The following ABCA4 variants were observed in gnomAD, a reference collection of about 807,000 sequenced individuals.
The protein encoded by ABCA4 is ATP binding cassette subfamily A member 4.
ABCA4 carries 196 observed loss-of-function variants against 263.7 expected under a neutral mutation model. The observed-to-expected ratio is 0.74, with a 90% CI of 0.66 to 0.84. ABCA4 has a LOEUF of 0.84. Among genes scored for constraint, ABCA4 ranks in the 40% least tolerant of loss-of-function variants. The pLI, the probability that ABCA4 is intolerant of heterozygous loss-of-function variation, is 0.00. For missense variants in ABCA4, 2,792 were observed against 2,855.1 expected (o/e 0.98, Z 0.50); for synonymous variants, 1,133 against 1,094.2 (o/e 1.04, Z -0.70).
chr1:94,006,238 G>A (rs1031224470), intron 43 of ABCA4, among the ~76,000 whole-genome samples: 1 of 152,126 alleles, frequency 6.6e-6, no homozygotes, highest in African/African-American at 2.4e-5. Context: ...GGATGGTACA[G>A]AGAGACCATT....
At chr1:94,017,855 A>G (rs907893564) in intron 36 of ABCA4, among the ~76,000 whole-genome samples, 2 of 152,256 alleles carry the variant, frequency 1.3e-5, no homozygotes, top group African/African-American at 4.8e-5. Context: ...CTGTTGCAAA[A>G]TTTTAAAGTA....
chr1:94,073,573 C>T lies in ABCA4; in HGVS notation c.1554+4117G>A, dbSNP rs146713976. On this transcript the variant is annotated intron_variant, in intron 11 of 49. Transcript: ENST00000370225. Reference sequence around the variant, plus strand: ...GAATTAGCTCATTTAATTCTCATAACGAGCCTATTAGGTAAGTGCTATTAA... The same window carrying T: ...GAATTAGCTCATTTAATTCTCATAATGAGCCTATTAGGTAAGTGCTATTAA... 5.9e-3 allele frequency among the ~76,000 whole-genome samples: 902 copies of T among 152,256 alleles called. 11 individuals are homozygous for T. Among genetic ancestry groups the T allele is most frequent in the East Asian group, 0.045 (236 of 5,188 alleles).
At chr1:94,002,166 G>C (rs1483843385) in intron 44 of ABCA4, among the ~76,000 whole-genome samples, 174 bp from the exon 45 acceptor site, 1 of 152,180 alleles carries the variant, frequency 6.6e-6, no homozygotes, top group Admixed American at 6.5e-5. Flanking sequence ...CGCCAGACAG[G>C]GGCTCTTTCT....
Position 94,079,357 on chromosome 1 carries a change from G to A in ABCA4, c.1204C>T (p.Pro402Ser), listed in dbSNP as rs1281131866. The A allele has an allele frequency of 1.2e-6, 2 of 1,614,162 alleles. No individual in the cohort carries two copies. The highest frequency in any genetic ancestry group is 2.2e-5 in the South Asian group (2 of 91,074). ...ATCCTTCGTGCTGCAGGTGAATCAGGAGTGTACAGGATTTTTCCCATCAGC... is the reference window on the plus strand; with the variant it reads ...ATCCTTCGTGCTGCAGGTGAATCAGAAGTGTACAGGATTTTTCCCATCAGC... ...PLLMGKILYT[P>S]DSPAARRILK... is the part of the protein sequence containing the mutation. The change falls in exon 9 of 50, where the codon CCT (proline) becomes TCT (serine). Residue 402 changes from proline (P) to serine (S), a missense_variant. Coordinates refer to ENST00000370225, the MANE Select transcript of ABCA4 (RefSeq NM_000350.3).
intron 48 of ABCA4, among the ~76,000 whole-genome samples, 157 bp downstream of exon 48, chr1:93,997,704 A>G (rs1170742060): frequency 6.6e-6 from 1 of 152,198 alleles, no homozygotes; most frequent in East Asian, 1.9e-4. Flanking sequence ...TTGTTAGAAA[A>G]CAATTTCTGA....
intron 11 of ABCA4, among the ~76,000 whole-genome samples, chr1:94,077,276 A>C (rs970261346): frequency 6.6e-6 from 1 of 152,228 alleles, no homozygotes; most frequent in Non-Finnish European, 1.5e-5. Context: ...GAGAACATAC[A>C]GTTTTTGGAG....
chr1:94,045,945 G>A (rs1312133743), intron 19 of ABCA4: 2 of 456,160 alleles, frequency 4.4e-6, no homozygotes, highest in East Asian at 1.4e-4. Flanking sequence ...TCCCTTGGAG[G>A]AGAGTGGGGC....
At chr1:94,086,659 AT>A (rs1237798856) in intron 6 of ABCA4, among the ~76,000 whole-genome samples, 1 of 152,146 alleles carries the variant, frequency 6.6e-6, no homozygotes, top group Non-Finnish European at 1.5e-5. Flanking sequence ...AATGTTAACA[AT>A]TTGGCACATA....
intron 14 of ABCA4, among the ~76,000 whole-genome samples, chr1:94,059,300 T>C (rs549848): frequency 0.23 from 35,415 of 152,138 alleles, 5,375 homozygotes; most frequent in Non-Finnish European, 0.33. Context: ...TCCCCTCATC[T>C]CTTAGAACTT....
At position 94,021,321 on chromosome 1, in the gene ABCA4, T is replaced by A; in HGVS notation, c.4937A>T (p.Asp1646Val). The change falls in exon 35 of 50, where the codon GAC becomes GTC. Residue 1646 changes from aspartate to valine, a missense_variant. Coordinates refer to ENST00000370225, the MANE Select transcript of ABCA4 (RefSeq NM_000350.3). ...NAILRASLPK[D>V]RSPEEYGITV... is the part of the protein sequence containing the mutation. ...GATTCCATACTCCTCGGGGCTCCTG[T>A]CCTTAGGCAGGCTGGCCCGTAAGAT... 1 of 1,614,180 alleles carries A rather than the reference T, an allele frequency of 6.2e-7. No individual in the cohort carries two copies. Among genetic ancestry groups the A allele is most frequent in the Non-Finnish European group, 8.5e-7 (1 of 1,180,032 alleles).
rs115209782 is a variant in ABCA4 at position 94,041,178 on chromosome 1, G to T, written c.3522+31C>A. The T allele has an allele frequency of 2.0e-3, 3,174 of 1,613,224 alleles. 62 individuals carry two copies. The African/African-American group carries it at 0.037, about 19-fold the overall frequency. The stretch of plus-strand genomic sequence containing the variant: ...CGTGCTGTGTGCTCCTTCTCACCCA[G>T]GCCAGGGTCCTTCCCTGGGCAGACA... On this transcript the variant is annotated intron_variant, in intron 23 of 49. Transcript: ENST00000370225.
chr1:94,062,599 A>G lies in ABCA4; in HGVS notation c.1915T>C (p.Tyr639His), dbSNP rs2101078070. Residue 639 changes from tyrosine to histidine, a missense_variant, in exon 13 of 50, where the codon TAC becomes CAC. By Grantham distance (83) the Tyr-to-His change is moderately conservative (BLOSUM62 2). Transcript: ENST00000370225. ...CACGAATCGTCCACGAAGCAGGGGTAGGGCATCTGCTGGAGGTAGATTCCA... is the reference window on the plus strand; with the variant it reads ...CACGAATCGTCCACGAAGCAGGGGTGGGGCATCTGCTGGAGGTAGATTCCA... ...PVGIYLQQMPYPCFVDDSFMI... is the reference protein window; with the variant it reads ...PVGIYLQQMPHPCFVDDSFMI... 6 of 1,613,410 alleles carry G rather than the reference A, an allele frequency of 3.7e-6. No homozygotes were observed. The highest frequency in any genetic ancestry group is 4.2e-6 in the Non-Finnish European group (5 of 1,179,610).
intron 44 of ABCA4, among the ~76,000 whole-genome samples, chr1:94,004,820 G>C (rs567672404): frequency 6.6e-6 from 1 of 152,014 alleles, no homozygotes; most frequent in Admixed American, 6.6e-5. Context: ...TTGTTTTCTG[G>C]TTTATCCTTT....
intron 1 of ABCA4, among the ~76,000 whole-genome samples, chr1:94,120,626 G>C (rs1229621111): frequency 1.4e-5 from 2 of 139,042 alleles, no homozygotes; most frequent in Non-Finnish European, 3.0e-5. Context: ...AGGGCTTAAA[G>C]TTCTTCCCAC....
intron 10 of ABCA4, 91 bp downstream of exon 10, chr1:94,078,499 A>T: frequency 1.9e-6 from 2 of 1,037,792 alleles, no homozygotes; most frequent in Admixed American, 1.7e-5. Context: ...AATAGCGATT[A>T]ACTCTTTCCT....
At chr1:94,002,127 G>A in intron 44 of ABCA4, 135 bp from the exon 45 acceptor site, 1 of 1,365,198 alleles carries the variant, frequency 7.3e-7, no homozygotes, top group Non-Finnish European at 1.0e-6. Context: ...GGCTCCTGCT[G>A]GCTCCTGTCC....
At chr1:94,061,350 A>G (rs1360074156) in intron 13 of ABCA4, 1 of 163,182 alleles carries the variant, frequency 6.1e-6, no homozygotes, top group African/African-American at 2.4e-5. Flanking sequence ...ACCACCAGCC[A>G]TGCACAGGTG....
chr1:94,078,556 T>TCCCCCC, intron 10 of ABCA4, 34 bp downstream of exon 10: 1 of 561,674 alleles, frequency 1.8e-6, no homozygotes, highest in Non-Finnish European at 3.3e-6. Flanking sequence ...CGCTTCCTCC[T>TCCCCCC]CCCCTCCCCT....
At chr1:94,077,984 T>C (rs1052189176) in intron 10 of ABCA4, 97 bp from the exon 11 acceptor site, 5 of 1,238,576 alleles carry the variant, frequency 4.0e-6, no homozygotes, top group Non-Finnish European at 5.8e-6. Context: ...TGATTGAGGA[T>C]AGAGATGCTA....
Sources: gnomAD v4.1 joint callset for allele counts (sites outside exome capture counted in the v4.1 genomes callset) on GRCh38, gnomAD v4.1.1 for gene constraint, MANE v1.5 for transcripts, NCBI Gene and HGNC (gene_info 2026-07-23, HGNC 2026-07-21) for gene names.